The following ST7L variants were observed in gnomAD, a reference collection of about 807,000 sequenced individuals.
The protein encoded by ST7L is suppressor of tumorigenicity 7 protein-like.
Under a neutral mutation model 72.5 loss-of-function variants are expected in ST7L, and 57 were observed. The ratio of observed to expected loss-of-function variants is 0.79; its 90% CI spans 0.64 to 0.98. ST7L has a LOEUF of 0.98. Ranked by LOEUF, ST7L falls within the 50% of genes least tolerant of loss-of-function variation. ST7L has a pLI of 0.00. For missense variants in ST7L, 576 were observed against 672.2 expected, an observed-to-expected ratio of 0.86 and a Z score of 1.58; for synonymous variants, 221 against 240.9, an observed-to-expected ratio of 0.92 and a Z score of 0.77.
intron 11 of ST7L, among the ~76,000 whole-genome samples, chr1:112,574,068 C>T (rs2101798870): frequency 6.7e-6 from 1 of 149,526 alleles, no homozygotes; most frequent in Admixed American, 6.7e-5. Flanking sequence ...GCGCACCCCA[C>T]CACACCCGGT....
At chr1:112,608,544 G>A (rs971425058) in intron 3 of ST7L, among the ~76,000 whole-genome samples, 3 of 152,078 alleles carry the variant, frequency 2.0e-5, no homozygotes, top group African/African-American at 7.2e-5. Context: ...AAGATGAAAT[G>A]TTCTTAAGGT....
chr1:112,606,822 G>C (rs1668323849), intron 3 of ST7L, among the ~76,000 whole-genome samples: 1 of 152,136 alleles, frequency 6.6e-6, no homozygotes, highest in Admixed American at 6.6e-5. Context: ...GCATGGCAGA[G>C]AGACAGCAAT....
intron 2 of ST7L, among the ~76,000 whole-genome samples, chr1:112,614,727 G>A (rs958180537): frequency 4.6e-5 from 7 of 151,964 alleles, no homozygotes; most frequent in Non-Finnish European, 8.8e-5. Flanking sequence ...AGAATGGATC[G>A]TTTATGCCCA....
chr1:112,572,929 T>C (rs1246780978), intron 11 of ST7L, among the ~76,000 whole-genome samples: 1 of 151,860 alleles, frequency 6.6e-6, no homozygotes, highest in South Asian at 2.1e-4. Flanking sequence ...CAGAAATGAA[T>C]GAACCAGAAA....
At position 112,555,942 on chromosome 1, in the gene ST7L, T is replaced by C. The variant is rs760596487; in HGVS notation, c.1322A>G (p.Tyr441Cys). ...LKRGDSEAIA[Y>C]AFFHLQHWKR... ...CCAGTGCTGAAGATGAAAGAAAGCA[T>C]AGGCAATTGCTTCACTATCACCCCG... The change falls in exon 12 of 15, where the codon TAT (tyrosine) becomes TGT (cysteine). Residue 441 changes from tyrosine to cysteine, a missense_variant. This residue lies in a region of ST7L where 511 missense variants were observed against 600.7 expected (regional missense o/e 0.85). Transcript: ENST00000358039. 16 of 1,612,606 alleles carry C rather than the reference T, an allele frequency of 9.9e-6. No individual in the cohort carries two copies. The East Asian group carries it at 3.3e-4, about 34-fold the overall frequency.
intron 11 of ST7L, among the ~76,000 whole-genome samples, chr1:112,558,629 T>A (rs1029610022): frequency 6.6e-6 from 1 of 152,230 alleles, no homozygotes; most frequent in Non-Finnish European, 1.5e-5. Context: ...ACTATGAGAT[T>A]ATTTACTAAT....
At chr1:112,572,218 T>C (rs1296936038) in intron 11 of ST7L, among the ~76,000 whole-genome samples, 2 of 152,232 alleles carry the variant, frequency 1.3e-5, no homozygotes, top group Non-Finnish European at 1.5e-5. Context: ...GTTCCATTTA[T>C]AGAGCACAGG....
At chr1:112,551,719 AAAG>A (rs904080332) in intron 12 of ST7L, among the ~76,000 whole-genome samples, 4 of 152,144 alleles carry the variant, frequency 2.6e-5, no homozygotes, top group Non-Finnish European at 4.4e-5. Flanking sequence ...TGGATTTATT[AAAG>A]AAGAAATCTT....
rs17030455 is a variant in ST7L, at chr1:112,526,295, A to T, written c.1630-184T>A. ...GTACCATGTGACCACTATACAACAT[A>T]TTCCACATTTAAACAACTCTGGCTC... On this transcript the variant is annotated intron_variant, in intron 14 of 14. Coordinates refer to ENST00000358039, the MANE Select transcript of ST7L (RefSeq NM_017744.5). The T allele has an allele frequency of 0.01, 6,464 of 622,210 alleles. 338 individuals are homozygous for T. In the African/African-American group the frequency reaches 0.1, roughly 10 times the overall value. 38.5% of individuals were successfully genotyped at this position (622,210 alleles called of 1,614,324 possible). A position where few individuals can be genotyped will look rare whatever the true frequency, so the allele number is the denominator to read the frequency against.
intron 11 of ST7L, among the ~76,000 whole-genome samples, chr1:112,572,406 A>G (rs1004435415): frequency 4.6e-5 from 7 of 152,232 alleles, no homozygotes; most frequent in African/African-American, 1.7e-4. Context: ...CTTAGTTGGC[A>G]TCTTCTTCCA....
At chr1:112,597,517 A>C (rs554794382) in intron 5 of ST7L, among the ~76,000 whole-genome samples, 1 of 152,370 alleles carries the variant, frequency 6.6e-6, no homozygotes, top group South Asian at 2.1e-4. Context: ...ATAAGCACTT[A>C]GAGAAAACTA....
rs1369391711 is a variant in ST7L, at chr1:112,598,877, T to C, written c.507-791A>G. 2.7e-5 allele frequency among the ~76,000 whole-genome samples: 4 copies of C among 150,482 alleles called. No individual in the cohort carries two copies. In the East Asian group the frequency reaches 7.9e-4, roughly 30 times the overall value. ...GAGTTTGAGACCAGCCTGGCCAATA[T>C]AGTAAAACCCTGTCTCTCCTAAAAA... On this transcript the variant is annotated intron_variant, in intron 4 of 14. Transcript: ENST00000358039.
intron 14 of ST7L, chr1:112,527,337 CAG>C (rs1349590202): frequency 6.6e-6 from 1 of 152,504 alleles, no homozygotes; most frequent in Non-Finnish European, 1.5e-5. Context: ...TTCCCCAAGG[CAG>C]ACTTTATTTT....
chr1:112,548,999 T>TTG (rs71081247), intron 13 of ST7L, among the ~76,000 whole-genome samples: 27,452 of 148,806 alleles, frequency 0.18, 2,605 homozygotes, highest in Non-Finnish European at 0.21. Context: ...GCTTGTTACT[T>TTG]TGTGTGTGTG....
chr1:112,583,775 A>G (rs901756356), intron 7 of ST7L, among the ~76,000 whole-genome samples, 197 bp downstream of exon 7: 1 of 152,232 alleles, frequency 6.6e-6, no homozygotes, highest in Non-Finnish European at 1.5e-5. Context: ...GAGCAGATCT[A>G]TTCCCTTCCA....
chr1:112,583,981 C>T lies in ST7L; in HGVS notation c.847G>A (p.Ala283Thr). 3.1e-6 allele frequency: 5 copies of T among 1,613,694 alleles called. No homozygotes were observed. Among genetic ancestry groups the T allele is most frequent in the Non-Finnish European group, 4.2e-6 (5 of 1,179,834 alleles). The change falls in exon 7 of 15, where the codon GCT (alanine) becomes ACT (threonine). Residue 283 changes from alanine to threonine, a missense_variant. By Grantham distance (58) the Ala-to-Thr change is moderately conservative. Coordinates refer to ENST00000358039, the MANE Select transcript of ST7L (RefSeq NM_017744.5). ...GTTCAAACTTGCTTACTCAGTTGAG[C>T]TTCATGCTGAGGACTTTGGTGCTGG... ...QCQHQSPQHE[A>T]QLRRDTNVLV...
intron 6 of ST7L, among the ~76,000 whole-genome samples, chr1:112,590,936 T>A (rs1016333956): frequency 6.7e-6 from 1 of 150,134 alleles, no homozygotes; most frequent in African/African-American, 2.5e-5. Context: ...ACCCTTTTTT[T>A]TTTTTTTTTT....
At chr1:112,520,414 T>G, downstream of ST7L, 1 of 1,614,176 alleles carries the variant, frequency 6.2e-7, no homozygotes, top group East Asian at 2.2e-5. Flanking sequence ...CAAATTCCAC[T>G]GGTGCTGTGC....
rs1653257262 is a variant in ST7L, at chr1:112,525,506, T to A, written c.*507A>T. The A allele has an allele frequency of 1.3e-5, 2 of 153,632 alleles. No homozygotes were observed. The highest frequency in any genetic ancestry group is 4.8e-5 in the African/African-American group (2 of 41,356). 9.5% of individuals were successfully genotyped at this position (153,632 alleles called of 1,614,324 possible). ...CACTTCCCACTCATGGCTTATATTA[T>A]CTCTGAGCATCTCGGTGGCTATTCC... On this transcript the variant is annotated 3_prime_UTR_variant, in exon 15 of 15. Transcript: ENST00000358039.
Sources: allele counts gnomAD v4.1 joint callset (sites outside exome capture counted in the v4.1 genomes callset), GRCh38; gene constraint gnomAD v4.1.1; regional missense constraint gnomAD v4.1.1; transcripts MANE v1.5; gene names NCBI Gene and HGNC (gene_info 2026-07-23, HGNC 2026-07-21).